ADGRL3: variants seen among roughly 807,000 people sequenced by gnomAD.
The protein encoded by ADGRL3 is adhesion G protein-coupled receptor L3.
In ADGRL3, 62 loss-of-function variants were observed where a neutral mutation model predicts 153.5. The observed-to-expected ratio is 0.40, with a 90% CI of 0.33 to 0.50. ADGRL3 has a LOEUF of 0.50. Among genes scored for constraint, ADGRL3 ranks in the 20% least tolerant of loss-of-function variants. The pLI, the probability that ADGRL3 is intolerant of heterozygous loss-of-function variation, is 0.47. For missense variants in ADGRL3, 1,641 were observed against 1,859.4 expected (o/e 0.88, Z 2.16); for synonymous variants, 710 against 672.5 (o/e 1.06, Z -0.86).
chr4:61,999,043 A>T (rs1228312021), intron 21 of ADGRL3, among the ~76,000 whole-genome samples: 1 of 152,148 alleles, frequency 6.6e-6, no homozygotes, highest in Non-Finnish European at 1.5e-5. Flanking sequence ...TTTATATAGG[A>T]GCTGTTAGAT....
intron 6 of ADGRL3, among the ~76,000 whole-genome samples, chr4:61,711,351 A>G (rs2095977756): frequency 1.3e-5 from 2 of 150,948 alleles, no homozygotes; most frequent in Admixed American, 1.3e-4. Context: ...AAAGTAGGCA[A>G]TGATAGCTAG....
intron 25 of ADGRL3, among the ~76,000 whole-genome samples, chr4:62,064,691 T>A (rs1382719082): frequency 6.6e-6 from 1 of 151,580 alleles, no homozygotes; most frequent in East Asian, 1.9e-4. Context: ...TCTTTCTCGG[T>A]CACAGGTGAA....
At chr4:61,787,578 A>G (rs1456307388) in intron 8 of ADGRL3, among the ~76,000 whole-genome samples, 1 of 152,144 alleles carries the variant, frequency 6.6e-6, no homozygotes, top group Non-Finnish European at 1.5e-5. Flanking sequence ...TACCCAAAAC[A>G]AATTCATTCA....
chr4:61,684,893 T>G (rs4533797), intron 6 of ADGRL3, among the ~76,000 whole-genome samples: 151,032 of 152,092 alleles, frequency 0.99, 75,004 homozygotes, highest in Middle Eastern at 1. Context: ...TCTAGTAGAT[T>G]TAAAAGCACT....
chr4:61,374,543 G>T (rs73216345), intron 1 of ADGRL3, among the ~76,000 whole-genome samples: 7,093 of 152,082 alleles, frequency 0.047, 534 homozygotes, highest in African/African-American at 0.16. Context: ...TAAGACCTCA[G>T]TACTGAAGAT....
At chr4:61,806,230 G>T (rs1476713497) in intron 8 of ADGRL3, among the ~76,000 whole-genome samples, 1 of 151,918 alleles carries the variant, frequency 6.6e-6, no homozygotes, top group Non-Finnish European at 1.5e-5. Context: ...TTTCATTTAG[G>T]TTACTATTCC....
intron 1 of ADGRL3, among the ~76,000 whole-genome samples, chr4:61,233,587 A>G (rs1030772469): frequency 6.6e-6 from 1 of 152,176 alleles, no homozygotes; most frequent in African/African-American, 2.4e-5. Flanking sequence ...GTCAATATAT[A>G]CAGGGTAGTT....
At chr4:61,875,187 A>G (rs796588450) in intron 9 of ADGRL3, among the ~76,000 whole-genome samples, 9 of 151,992 alleles carry the variant, frequency 5.9e-5, no homozygotes, top group African/African-American at 2.2e-4. Context: ...GCACTTTGTC[A>G]CTCTTCTTTC....
intron 21 of ADGRL3, among the ~76,000 whole-genome samples, chr4:62,012,848 G>A (rs2151274989): frequency 6.6e-6 from 1 of 152,294 alleles, no homozygotes; most frequent in African/African-American, 2.4e-5. Flanking sequence ...TTCTCAGGAT[G>A]AGAGACAGGG....
chr4:61,221,741 A>G (rs1183050053), intron 1 of ADGRL3, among the ~76,000 whole-genome samples: 1 of 152,138 alleles, frequency 6.6e-6, no homozygotes, highest in Non-Finnish European at 1.5e-5. Context: ...GACATGTTTA[A>G]ACATATTCAA....
At chr4:61,411,769 T>G (rs2097090940) in intron 2 of ADGRL3, among the ~76,000 whole-genome samples, 1 of 152,158 alleles carries the variant, frequency 6.6e-6, no homozygotes, top group African/African-American at 2.4e-5. Context: ...GAAGGACTGC[T>G]TATATTTTAT....
chr4:61,757,175 G>T (rs1380479516), intron 8 of ADGRL3, among the ~76,000 whole-genome samples: 1 of 152,122 alleles, frequency 6.6e-6, no homozygotes, highest in Non-Finnish European at 1.5e-5. Flanking sequence ...GTATTGATTG[G>T]AATAGTTTCA....
intron 6 of ADGRL3, among the ~76,000 whole-genome samples, chr4:61,712,595 T>C (rs1487792888): frequency 1.3e-5 from 2 of 152,182 alleles, no homozygotes; most frequent in South Asian, 2.1e-4. Flanking sequence ...CAAGTATTTA[T>C]ACTATTTGAA....
intron 3 of ADGRL3, among the ~76,000 whole-genome samples, chr4:61,509,437 T>C (rs1339142849): frequency 1.3e-5 from 2 of 152,224 alleles, no homozygotes; most frequent in Non-Finnish European, 2.9e-5. Context: ...ACATATCACA[T>C]CTTAATGTCC....
At chr4:62,033,940 A>G (rs1343765175) in intron 23 of ADGRL3, among the ~76,000 whole-genome samples, 1 of 151,656 alleles carries the variant, frequency 6.6e-6, no homozygotes, top group Admixed American at 6.6e-5. Context: ...TTATTAGCCA[A>G]TGCCTCTTTC....
At chr4:61,444,039 A>C (rs2097555016) in intron 2 of ADGRL3, among the ~76,000 whole-genome samples, 1 of 152,194 alleles carries the variant, frequency 6.6e-6, no homozygotes, top group South Asian at 2.1e-4. Context: ...TATATTTTGT[A>C]ATACAGACAA....
chr4:61,585,566 GAGTT>G (rs1217256082), intron 4 of ADGRL3, among the ~76,000 whole-genome samples: 2 of 151,996 alleles, frequency 1.3e-5, no homozygotes, highest in African/African-American at 4.8e-5. Context: ...GCACGTTAGT[GAGTT>G]AATCAACTAT....
chr4:61,213,311 GA>G (rs1405430485), intron 1 of ADGRL3, among the ~76,000 whole-genome samples: 1 of 152,062 alleles, frequency 6.6e-6, no homozygotes, highest in Non-Finnish European at 1.5e-5. Context: ...TGGCTCAGTA[GA>G]AGTTACTCTG....
chr4:61,837,891 T>A (rs2097960303), intron 9 of ADGRL3, among the ~76,000 whole-genome samples: 2 of 152,032 alleles, frequency 1.3e-5, no homozygotes, highest in South Asian at 4.1e-4. Context: ...GAGCTGGCAT[T>A]GCATGATCAT....
Sources: allele counts gnomAD v4.1 joint callset (sites outside exome capture counted in the v4.1 genomes callset), GRCh38; gene constraint gnomAD v4.1.1; transcripts MANE v1.5; gene names NCBI Gene and HGNC (gene_info 2026-07-23, HGNC 2026-07-21).